OGDH: variants seen among roughly 807,000 people sequenced by gnomAD.
The protein encoded by OGDH is oxoglutarate dehydrogenase.
OGDH carries 38 observed loss-of-function variants against 116.6 expected under a neutral mutation model. That is an observed-to-expected ratio of 0.33 (90% CI 0.25 to 0.43). OGDH has a LOEUF of 0.43. OGDH is among the 20% of genes least tolerant of loss of function. The pLI is 1.00. For synonymous variants in OGDH, 488 were observed against 533.3 expected (o/e 0.92, Z 1.17); for missense variants, 825 against 1,357.2 (o/e 0.61, Z 6.16).
chr7:44,698,246 G>T lies in OGDH; in HGVS notation c.2413G>T (p.Asp805Tyr). 3.7e-6 allele frequency: 6 copies of T among 1,614,098 alleles called. No individual in the cohort carries two copies. The highest frequency in any genetic ancestry group is 4.2e-6 in the Non-Finnish European group (5 of 1,180,024). Residue 805 changes from aspartate to tyrosine, a missense_variant, in exon 18 of 23, where the codon GAC (aspartate) becomes TAC (tyrosine). This residue lies in a region of OGDH where 73 missense variants were observed against 182.3 expected (regional missense o/e 0.40). Transcript: ENST00000222673. ...GCGGTTCTTGCAGATGTGCAACGATGACCCAGATGTCCTGCCAGTGAGTAA... is the reference window on the plus strand; with the variant it reads ...GCGGTTCTTGCAGATGTGCAACGATTACCCAGATGTCCTGCCAGTGAGTAA... ...PERFLQMCND[D>Y]PDVLPDLKEA...
chr7:44,642,175 G>A (rs866426964), intron 2 of OGDH, among the ~76,000 whole-genome samples: 1 of 152,196 alleles, frequency 6.6e-6, no homozygotes, highest in Non-Finnish European at 1.5e-5. Context: ...TTGCACTTTG[G>A]GAGGCTGAGA....
Position 44,624,382 on chromosome 7 carries a change from A to G in OGDH, c.39A>G (p.Pro13=), listed in dbSNP as rs34777281. Residue 13 remains proline (P), a synonymous_variant, in exon 2 of 23, where the codon CCA becomes CCG. Transcript: ENST00000222673. ...HLRTCAAKLR[P]LTASQTVKTF... ...GGACTTGTGCTGCTAAGTTGAGGCCATTGACGGCTTCCCAGACTGTTAAGA... is the reference window on the plus strand; with the variant it reads ...GGACTTGTGCTGCTAAGTTGAGGCCGTTGACGGCTTCCCAGACTGTTAAGA... The G allele has an allele frequency of 8.1e-5, 129 of 1,602,348 alleles. No individual in the cohort carries two copies. Among genetic ancestry groups the G allele is most frequent in the Non-Finnish European group, 1.0e-4 (121 of 1,177,330 alleles).
intron 5 of OGDH, among the ~76,000 whole-genome samples, chr7:44,671,767 CAAAA>C (rs758716419): frequency 2.0e-5 from 1 of 51,182 alleles, no homozygotes. Context: ...GACTGCGTCT[CAAAA>C]AAAAAAAAAA....
intron 2 of OGDH, among the ~76,000 whole-genome samples, chr7:44,628,323 C>T (rs1179322957): frequency 1.3e-5 from 2 of 152,060 alleles, no homozygotes; most frequent in Non-Finnish European, 2.9e-5. Context: ...AATATTTACT[C>T]TTCTCTTAAA....
chr7:44,641,028 GGATT>G (rs1183309659), intron 2 of OGDH, among the ~76,000 whole-genome samples: 5 of 150,564 alleles, frequency 3.3e-5, no homozygotes, highest in Non-Finnish European at 5.9e-5. Flanking sequence ...TGAGTAGCTG[GGATT>G]ATAGGCACAC....
chr7:44,656,446 T>C (rs960581060), intron 4 of OGDH: 2 of 1,259,086 alleles, frequency 1.6e-6, no homozygotes, highest in East Asian at 2.5e-5. Flanking sequence ...GCATGCAATA[T>C]GGGGAAAGTT....
intron 4 of OGDH, among the ~76,000 whole-genome samples, chr7:44,662,112 A>G (rs539917282): frequency 2.0e-5 from 3 of 152,296 alleles, no homozygotes; most frequent in African/African-American, 7.2e-5. Flanking sequence ...ACTTCATCAG[A>G]CAGAGTTATA....
intron 4 of OGDH, among the ~76,000 whole-genome samples, chr7:44,666,244 C>G (rs1787179962): frequency 6.6e-6 from 1 of 152,108 alleles, no homozygotes; most frequent in Non-Finnish European, 1.5e-5. Context: ...ACTTCTTAGT[C>G]CCCCTCCTCC....
At chr7:44,661,557 A>G (rs1201800217) in intron 4 of OGDH, among the ~76,000 whole-genome samples, 1 of 150,848 alleles carries the variant, frequency 6.6e-6, no homozygotes, top group Non-Finnish European at 1.5e-5. Flanking sequence ...GGATTTTTAA[A>G]CCCACATTTA....
chr7:44,640,187 C>G (rs1245918865), intron 2 of OGDH, among the ~76,000 whole-genome samples: 2 of 152,212 alleles, frequency 1.3e-5, no homozygotes, highest in Non-Finnish European at 2.9e-5. Context: ...GCGCCCAGCT[C>G]TCTTTGGCAA....
At chr7:44,696,825 G>T (rs1297407910) in intron 14 of OGDH, 89 bp from the exon 15 acceptor site, 3 of 1,447,520 alleles carry the variant, frequency 2.1e-6, no homozygotes, top group Non-Finnish European at 2.8e-6. Context: ...AGTAAAGAAG[G>T]CTCCGCTCTT....
chr7:44,687,091 A>ATTTTTTTTTTTTTTTT (rs59074567), intron 10 of OGDH, among the ~76,000 whole-genome samples: 6 of 95,538 alleles, frequency 6.3e-5, no homozygotes, highest in East Asian at 3.2e-4. Context: ...ATTTTTTTTA[A>ATTTTTTTTTTTTTTTT]TTTTTTTTTT....
intron 2 of OGDH, among the ~76,000 whole-genome samples, chr7:44,625,262 C>T (rs1298405133): frequency 2.6e-5 from 4 of 152,000 alleles, no homozygotes; most frequent in African/African-American, 7.3e-5. Context: ...GTAACTGGGA[C>T]TACAGGTGCA....
At chr7:44,699,425 CAAAAAA>C (rs59695480) in intron 18 of OGDH, among the ~76,000 whole-genome samples, 6 of 67,722 alleles carry the variant, frequency 8.9e-5, no homozygotes, top group Admixed American at 5.2e-4. Context: ...ACTCCTGTCT[CAAAAAA>C]AAAAAAAAAA....
chr7:44,646,891 C>T (rs1173633183), intron 3 of OGDH, among the ~76,000 whole-genome samples: 1 of 152,184 alleles, frequency 6.6e-6, no homozygotes, highest in African/African-American at 2.4e-5. Flanking sequence ...ATCTGCACTC[C>T]TCCCCAGTTA....
intron 5 of OGDH, among the ~76,000 whole-genome samples, chr7:44,671,795 C>T (rs952399109): frequency 2.8e-5 from 4 of 142,462 alleles, no homozygotes; most frequent in Admixed American, 7.2e-5. Flanking sequence ...AAATGCCAGA[C>T]GCGGTGGCTC....
intron 4 of OGDH, among the ~76,000 whole-genome samples, chr7:44,661,531 C>T (rs985988057): frequency 1.4e-4 from 21 of 151,800 alleles, no homozygotes; most frequent in African/African-American, 5.1e-4. Context: ...GCTTTGCTTT[C>T]ATTTTCCTGT....
chr7:44,700,007 C>A, intron 18 of OGDH, 134 bp from the exon 19 acceptor site: 1 of 961,014 alleles, frequency 1.0e-6, no homozygotes, highest in Non-Finnish European at 1.6e-6. Context: ...CCACCTCCAG[C>A]AGTGGGAGAT....
intron 5 of OGDH, among the ~76,000 whole-genome samples, chr7:44,667,615 G>GGCTCTGC (rs1188358289): frequency 2.6e-5 from 4 of 152,206 alleles, no homozygotes; most frequent in Non-Finnish European, 5.9e-5. Context: ...GCTAAGAGTT[G>GGCTCTGC]TGGCTCTGCT....
Sources: allele counts gnomAD v4.1 joint callset (sites outside exome capture counted in the v4.1 genomes callset), GRCh38; gene constraint gnomAD v4.1.1; regional missense constraint gnomAD v4.1.1; transcripts MANE v1.5; gene names NCBI Gene and HGNC (gene_info 2026-07-23, HGNC 2026-07-21).